The following ZPLD1 variants were observed in gnomAD, a reference collection of about 807,000 sequenced individuals.
The protein encoded by ZPLD1 is zona pellucida-like domain-containing protein 1.
In ZPLD1, 34 loss-of-function variants were observed where a neutral mutation model predicts 47.2. The observed-to-expected ratio is 0.72, with a 90% confidence interval of 0.55 to 0.96. The LOEUF is 0.96. Among genes scored for constraint, ZPLD1 ranks in the 40% least tolerant of loss-of-function variants. The pLI, the probability that ZPLD1 is intolerant of heterozygous loss-of-function variation, is 0.00. For missense variants in ZPLD1, 512 were observed against 505.8 expected (o/e 1.01, Z -0.12); for synonymous variants, 176 against 186.2 (o/e 0.95, Z 0.45).
chr3:102,386,922 T>C (rs1706430775), intron 6 of ZPLD1, among the ~76,000 whole-genome samples: 1 of 152,226 alleles, frequency 6.6e-6, no homozygotes, highest in Non-Finnish European at 1.5e-5. Flanking sequence ...CCAGTTGTTA[T>C]CTTAGCATTT....
chr3:102,460,624 G>A (rs1323274255), intron 6 of ZPLD1, among the ~76,000 whole-genome samples: 1 of 151,862 alleles, frequency 6.6e-6, no homozygotes, highest in Non-Finnish European at 1.5e-5. Flanking sequence ...AAATGTTGGA[G>A]AAAAATTAAA....
upstream of ZPLD1, among the ~76,000 whole-genome samples, chr3:102,434,105 G>T (rs186137406): frequency 6.6e-6 from 1 of 152,054 alleles, no homozygotes; most frequent in Admixed American, 6.5e-5. Flanking sequence ...GACCCTGTGC[G>T]AGTCAATTAA....
At chr3:102,477,123 G>A (rs1707770245) in intron 11 of ZPLD1, 82 bp downstream of exon 11, 1 of 1,503,358 alleles carries the variant, frequency 6.7e-7, no homozygotes, top group African/African-American at 1.4e-5. Flanking sequence ...AGTGTAATGA[G>A]CTTGAGTTTT....
chr3:102,438,735 A>G, intron 3 of ZPLD1, 142 bp downstream of exon 3: 1 of 547,318 alleles, frequency 1.8e-6, no homozygotes, highest in South Asian at 2.9e-5. Context: ...ATGACAAGAC[A>G]TTTTTCTGGA....
intron 6 of ZPLD1, among the ~76,000 whole-genome samples, chr3:102,461,136 T>C (rs1394766097): frequency 6.6e-6 from 1 of 152,106 alleles, no homozygotes; most frequent in Middle Eastern, 3.4e-3. Context: ...ATTCAAAATA[T>C]TTTGCTTTCT....
intron 10 of ZPLD1, 53 bp downstream of exon 10, chr3:102,470,555 G>C: frequency 6.9e-7 from 1 of 1,452,404 alleles, no homozygotes; most frequent in African/African-American, 1.4e-5. Flanking sequence ...AAAATGCCTC[G>C]TTACTTGGCT....
chr3:102,470,629 T>C, intron 10 of ZPLD1, 127 bp downstream of exon 10: 2 of 673,612 alleles, frequency 3.0e-6, no homozygotes, highest in African/African-American at 1.8e-5. Context: ...GATAAACTAC[T>C]AAGCAACTTT....
chr3:102,452,705 T>C (rs1432433296), intron 3 of ZPLD1, among the ~76,000 whole-genome samples: 1 of 152,218 alleles, frequency 6.6e-6, no homozygotes, highest in Non-Finnish European at 1.5e-5. Context: ...AACTGTAATC[T>C]CTACACTCAA....
At chr3:102,408,407 T>A (rs1406780467) in intron 7 of ZPLD1, among the ~76,000 whole-genome samples, 2 of 151,864 alleles carry the variant, frequency 1.3e-5, no homozygotes, top group Non-Finnish European at 2.9e-5. Context: ...ATTCATGGGA[T>A]TGTGGAAAGC....
rs757988888 is a variant in ZPLD1, at chr3:102,456,266, T to C, written c.401T>C (p.Ile134Thr). ...CAAGTAGGAAATATTTCAGGATATATTGATACTCCAGACCCACCAACAATC... is the reference window on the plus strand; with the variant it reads ...CAAGTAGGAAATATTTCAGGATATACTGATACTCCAGACCCACCAACAATC... ...SVQVGNISGY[I>T]DTPDPPTIIS... is the part of the protein sequence containing the mutation. The change falls in exon 5 of 12, where the codon ATT becomes ACT. Residue 134 changes from isoleucine (I) to threonine (T), a missense_variant. Physicochemically the swap from Ile to Thr is moderately conservative, Grantham distance 89. Transcript: ENST00000466937. 1.9e-6 allele frequency: 3 copies of C among 1,613,940 alleles called. No individual in the cohort carries two copies. Among genetic ancestry groups the C allele is most frequent in the Admixed American group, 1.7e-5 (1 of 60,018 alleles).
At chr3:102,395,653 G>A (rs973961266) in intron 7 of ZPLD1, among the ~76,000 whole-genome samples, 2 of 152,142 alleles carry the variant, frequency 1.3e-5, no homozygotes, top group African/African-American at 2.4e-5. Flanking sequence ...TTTAAGCTAC[G>A]ATATTTGGAG....
intron 5 of ZPLD1, among the ~76,000 whole-genome samples, chr3:102,457,224 G>C (rs902223608): frequency 6.6e-6 from 1 of 152,148 alleles, no homozygotes; most frequent in Non-Finnish European, 1.5e-5. Flanking sequence ...AAGCACCTTG[G>C]TCAGAAGCAA....
Position 102,456,570 on chromosome 3 carries a change from T to TATCTATC in ZPLD1, c.509+197_509+203dup, listed in dbSNP as rs1412032107. Among the ~76,000 whole-genome samples, 3 of 151,926 alleles carry TATCTATC rather than the reference T, an allele frequency of 2.0e-5. No individual in the cohort carries two copies. The East Asian group carries it at 5.8e-4, about 29-fold the overall frequency. ...ATATCTATCTATCTATCTATCTATC[T>TATCTATC]ATCTATCTATCTATCTATCTATCTC... On this transcript the variant is annotated intron_variant, in intron 5 of 11. Transcript: ENST00000466937.
chr3:102,433,818 C>T (rs1442925395), upstream of ZPLD1, among the ~76,000 whole-genome samples: 5 of 152,084 alleles, frequency 3.3e-5, no homozygotes, highest in Admixed American at 1.3e-4. Context: ...CGTGAGCCAC[C>T]GCGCCTGGCC....
At chr3:102,417,584 T>C (rs1236959086) in intron 7 of ZPLD1, among the ~76,000 whole-genome samples, 1 of 151,972 alleles carries the variant, frequency 6.6e-6, no homozygotes, top group Non-Finnish European at 1.5e-5. Context: ...TGGGTTTGCT[T>C]GCATTGTCAG....
chr3:102,449,647 G>A (rs1468327130), intron 3 of ZPLD1, among the ~76,000 whole-genome samples: 1 of 152,078 alleles, frequency 6.6e-6, no homozygotes, highest in African/African-American at 2.4e-5. Context: ...GCATTGCATT[G>A]CTGTGTTCAA....
intron 7 of ZPLD1, among the ~76,000 whole-genome samples, chr3:102,411,352 A>G (rs1370819163): frequency 1.3e-5 from 2 of 151,822 alleles, no homozygotes; most frequent in Non-Finnish European, 2.9e-5. Flanking sequence ...TTCAAAGGGT[A>G]TGATCTCTTC....
rs878931447 is a variant in ZPLD1, at chr3:102,452,888, T to C, written c.107-31T>C. 12 of 1,604,090 alleles carry C rather than the reference T, an allele frequency of 7.5e-6. No homozygotes were observed. The South Asian group carries it at 1.3e-4, about 18-fold the overall frequency. ...TATTTATCTTTCTGCTTTTCTGACTTATGTTTGTTTTTTATATATTTTTAT... is the reference window on the plus strand; with the variant it reads ...TATTTATCTTTCTGCTTTTCTGACTCATGTTTGTTTTTTATATATTTTTAT... On this transcript the variant is annotated intron_variant, in intron 3 of 11. Transcript: ENST00000466937.
chr3:102,404,166 A>G (rs1706655288), intron 7 of ZPLD1, among the ~76,000 whole-genome samples: 1 of 151,964 alleles, frequency 6.6e-6, no homozygotes, highest in African/African-American at 2.4e-5. Context: ...TCCTCCAATA[A>G]TGATGTCTAC....
Sources: gnomAD v4.1 joint callset for allele counts (sites outside exome capture counted in the v4.1 genomes callset) on GRCh38, gnomAD v4.1.1 for gene constraint, MANE v1.5 for transcripts, NCBI Gene and HGNC (gene_info 2026-07-23, HGNC 2026-07-21) for gene names.